FGD4: variants seen among roughly 807,000 people sequenced by gnomAD.
FGD4 encodes the protein FYVE, RhoGEF and PH domain containing 4.
In FGD4, 42 loss-of-function variants were observed where a neutral mutation model predicts 102.0. That is an observed-to-expected ratio of 0.41 (90% CI 0.32 to 0.53). The LOEUF (loss-of-function observed/expected upper bound fraction) is 0.53, where lower values mean the gene tolerates loss of function less well. FGD4 is among the 20% of genes least tolerant of loss of function. The pLI is 0.21. For synonymous variants in FGD4, 380 were observed against 375.7 expected (o/e 1.01, Z -0.13); for missense variants, 902 against 1,078.2 (o/e 0.84, Z 2.29).
At chr12:32,547,636 A>G (rs1324074672) in intron 1 of FGD4, among the ~76,000 whole-genome samples, 4 of 152,238 alleles carry the variant, frequency 2.6e-5, no homozygotes, top group Non-Finnish European at 5.9e-5. Flanking sequence ...GATTTCTACC[A>G]TTATTACTAA....
Position 32,640,418 on chromosome 12 carries a change from A to G in FGD4, c.2597A>G (p.Gln866Arg), listed in dbSNP as rs777302433. 8 of 1,614,198 alleles carry G rather than the reference A, an allele frequency of 5.0e-6. No individual in the cohort carries two copies. In the Admixed American group the frequency reaches 6.7e-5, roughly 13 times the overall value. Residue 866 changes from glutamine (Q) to arginine (R), a missense_variant, in exon 17 of 17, where the codon CAG becomes CGG. Physicochemically the swap from Gln to Arg is conservative, Grantham distance 43. Around this residue, in one of 2 missense-constraint regions of FGD4, gnomAD observed 459 missense variants for 619.0 expected, o/e 0.74. Transcript: ENST00000534526. ...SFAADSEELK[Q>R]KWLKVILLAV... ...GCTGCAGACAGTGAGGAACTGAAGC[A>G]GAAGTGGCTGAAAGTCATCCTTTTA...
Position 32,399,946 on chromosome 12 carries a change from C to T in FGD4, c.153C>T (p.Pro51=). 6.7e-7 allele frequency: 1 copy of T among 1,491,662 alleles called. No homozygotes were observed. Among genetic ancestry groups the T allele is most frequent in the Non-Finnish European group, 8.9e-7 (1 of 1,126,584 alleles). 92.4% of individuals were successfully genotyped at this position (1,491,662 alleles called of 1,614,324 possible). ...VGTAAFKGQV[P]SGATGSSTCP... Reference sequence around the variant, plus strand: ...CCGCTGCCTTCAAGGGCCAGGTGCCCTCAGGAGCCACAGGTAAGCGCCTCG... The same window carrying T: ...CCGCTGCCTTCAAGGGCCAGGTGCCTTCAGGAGCCACAGGTAAGCGCCTCG... Residue 51 remains proline, a synonymous_variant, in exon 1 of 17, where the codon CCC becomes CCT. Coordinates refer to ENST00000534526, the MANE Select transcript of FGD4 (RefSeq NM_001370298.3).
intron 1 of FGD4, among the ~76,000 whole-genome samples, chr12:32,499,430 A>G (rs1938027052): frequency 6.6e-6 from 1 of 152,190 alleles, no homozygotes. Flanking sequence ...CTCACCTTTC[A>G]TAGATCTGCC....
intron 1 of FGD4, among the ~76,000 whole-genome samples, chr12:32,469,756 T>C (rs1048236446): frequency 6.6e-6 from 1 of 151,814 alleles, no homozygotes; most frequent in Non-Finnish European, 1.5e-5. Context: ...GCCTCCCAGG[T>C]TCAAGCAATT....
intron 14 of FGD4, among the ~76,000 whole-genome samples, chr12:32,632,635 A>C (rs1950553248): frequency 6.6e-6 from 1 of 152,104 alleles, no homozygotes; most frequent in African/African-American, 2.4e-5. Context: ...GGAAAGTCTG[A>C]AAGATTTTAA....
At chr12:32,546,474 G>A (rs1943230500) in intron 1 of FGD4, among the ~76,000 whole-genome samples, 1 of 152,258 alleles carries the variant, frequency 6.6e-6, no homozygotes, top group South Asian at 2.1e-4. Flanking sequence ...TCGTGGCTTT[G>A]CCACTTTTAA....
intron 1 of FGD4, among the ~76,000 whole-genome samples, chr12:32,428,742 C>A (rs1941937954): frequency 6.6e-6 from 1 of 152,032 alleles, no homozygotes; most frequent in Admixed American, 6.6e-5. Flanking sequence ...TCCCATATTT[C>A]TTTAATCTTG....
intron 1 of FGD4, among the ~76,000 whole-genome samples, chr12:32,408,573 T>C (rs1034753676): frequency 4.6e-5 from 7 of 152,166 alleles, no homozygotes; most frequent in African/African-American, 1.7e-4. Context: ...CATCCTAGAT[T>C]TTAAACCTTG....
At chr12:32,405,732 G>A (rs968956262) in intron 1 of FGD4, among the ~76,000 whole-genome samples, 5 of 152,062 alleles carry the variant, frequency 3.3e-5, no homozygotes, top group African/African-American at 7.3e-5. Context: ...TTGAGGGAAC[G>A]GGAACTTGAT....
Position 32,440,237 on chromosome 12 carries a change from G to A in FGD4, c.166+40278G>A, listed in dbSNP as rs1942386411. ...TTCTTCAGTATCTGGGCATTGAAGA[G>A]TTAGGTATTTATTGTAGTCTTCCTT... On this transcript the variant is annotated intron_variant, in intron 1 of 16. Transcript: ENST00000534526. Among the ~76,000 whole-genome samples, 5 of 152,322 alleles carry A rather than the reference G, an allele frequency of 3.3e-5. No homozygotes were observed. In the East Asian group the frequency reaches 7.7e-4, roughly 24 times the overall value.
intron 2 of FGD4, among the ~76,000 whole-genome samples, chr12:32,567,115 T>G (rs983820164): frequency 6.6e-6 from 1 of 152,218 alleles, no homozygotes; most frequent in African/African-American, 2.4e-5. Flanking sequence ...CAGTACTGCA[T>G]GTAGCCCTCT....
intron 3 of FGD4, among the ~76,000 whole-genome samples, chr12:32,578,419 G>A (rs1946307375): frequency 6.6e-6 from 1 of 152,076 alleles, no homozygotes; most frequent in South Asian, 2.1e-4. Context: ...CCTTATGAGA[G>A]CTTAGACTAG....
At chr12:32,539,501 G>A (rs113657130) in intron 1 of FGD4, among the ~76,000 whole-genome samples, 10 of 151,960 alleles carry the variant, frequency 6.6e-5, no homozygotes, top group African/African-American at 9.7e-5. Context: ...CCTGAGAGGC[G>A]GAGGTTGCAG....
At chr12:32,405,020 A>T (rs2651371) in intron 1 of FGD4, among the ~76,000 whole-genome samples, 1 of 151,580 alleles carries the variant, frequency 6.6e-6, no homozygotes, top group Admixed American at 6.6e-5. Flanking sequence ...TTCAAGCTCC[A>T]CCTCCCGGGT....
At position 32,625,797 on chromosome 12, in the gene FGD4, A is replaced by G. The variant is rs1950127377; in HGVS notation, c.2172+18A>G. 1 of 1,613,614 alleles carries G rather than the reference A, an allele frequency of 6.2e-7. No individual in the cohort carries two copies. The highest frequency in any genetic ancestry group is 1.7e-5 in the Admixed American group (1 of 59,988). ...GTGGATATGTAAGTGAGATTTCTTGATCATTAAGGTTGCTAGTAACTATAT... is the reference window on the plus strand; with the variant it reads ...GTGGATATGTAAGTGAGATTTCTTGGTCATTAAGGTTGCTAGTAACTATAT... On this transcript the variant is annotated intron_variant, in intron 14 of 16. Coordinates refer to ENST00000534526, the MANE Select transcript of FGD4 (RefSeq NM_001370298.3).
chr12:32,460,630 A>C (rs1414018687), intron 1 of FGD4, among the ~76,000 whole-genome samples: 1 of 152,254 alleles, frequency 6.6e-6, no homozygotes. Flanking sequence ...AATGGATTGC[A>C]TGATGAAAAC....
At chr12:32,528,628 C>G (rs761385993) in intron 1 of FGD4, among the ~76,000 whole-genome samples, 2 of 152,114 alleles carry the variant, frequency 1.3e-5, no homozygotes, top group Non-Finnish European at 2.9e-5. Flanking sequence ...TGACCTCAGG[C>G]GATCTGCCTG....
At chr12:32,420,920 C>T (rs1361359696) in intron 1 of FGD4, among the ~76,000 whole-genome samples, 1 of 152,214 alleles carries the variant, frequency 6.6e-6, no homozygotes, top group South Asian at 2.1e-4. Context: ...GAGACAGGGT[C>T]TCCACTCTTT....
At position 32,399,662 on chromosome 12, in the gene FGD4, T is replaced by C. The variant is rs944750710; in HGVS notation, c.-132T>C. On this transcript the variant is annotated 5_prime_UTR_variant, in exon 1 of 17. Transcript: ENST00000534526. The stretch of plus-strand genomic sequence containing the variant: ...AAGGAGAGGGAGAGGAGGCACTCGC[T>C]GAGGAGACGCCGCAGTAGAGGGCGC... The C allele has an allele frequency of 3.5e-6, 5 of 1,427,894 alleles. No individual in the cohort carries two copies. Among genetic ancestry groups the C allele is most frequent in the Non-Finnish European group, 4.5e-6 (5 of 1,100,442 alleles). 88.5% of individuals were successfully genotyped at this position (1,427,894 alleles called of 1,614,324 possible).
Sources: allele counts gnomAD v4.1 joint callset (sites outside exome capture counted in the v4.1 genomes callset), GRCh38; gene constraint gnomAD v4.1.1; regional missense constraint gnomAD v4.1.1; transcripts MANE v1.5; gene names NCBI Gene and HGNC (gene_info 2026-07-23, HGNC 2026-07-21).